The following TSNARE1 variants were observed in gnomAD, a reference collection of about 807,000 sequenced individuals.
TSNARE1 encodes the protein t-SNARE domain-containing protein 1.
A neutral mutation model predicts 62.0 loss-of-function variants in TSNARE1; 49 were observed. The observed-to-expected ratio is 0.79, with a 90% CI of 0.63 to 1.00. The LOEUF is 1.00. TSNARE1 is among the 50% of genes least tolerant of loss of function. The probability of loss-of-function intolerance (pLI) is 0.00; values close to 1 mark genes in which losing one functional copy is unlikely to be tolerated. For synonymous variants in TSNARE1, 328 were observed against 294.4 expected, an observed-to-expected ratio of 1.11 and a Z score of -1.17; for missense variants, 755 against 700.1, an observed-to-expected ratio of 1.08 and a Z score of -0.88.
intron 12 of TSNARE1, chr8:142,273,128 G>A (rs971897931): frequency 3.9e-5 from 38 of 985,288 alleles, no homozygotes; most frequent in South Asian, 1.4e-4. Flanking sequence ...CTGGGAATGC[G>A]GCACGGCGTC....
intron 1 of TSNARE1, among the ~76,000 whole-genome samples, chr8:142,387,944 T>C (rs1317711333): frequency 1.3e-5 from 2 of 152,136 alleles, no homozygotes; most frequent in African/African-American, 2.4e-5. Context: ...CCAAAAACAG[T>C]GTACATACAA....
chr8:142,217,958 C>T (rs1258061180), intron 13 of TSNARE1, among the ~76,000 whole-genome samples: 1 of 60,140 alleles, frequency 1.7e-5, no homozygotes, highest in Admixed American at 1.4e-4. Context: ...AGGATCAGGG[C>T]TCAGTGTGTG....
At chr8:142,403,286 G>A (rs906302937), upstream of TSNARE1, 31 of 151,980 alleles carry the variant, frequency 2.0e-4, no homozygotes, top group African/African-American at 7.0e-4. Context: ...GCCCCGGCGC[G>A]GAGCCGGAAG....
rs145669203 is a variant in TSNARE1 at position 142,371,560 on chromosome 8, T to C, written c.-39-16797A>G. Among the ~76,000 whole-genome samples the C allele has an allele frequency of 3.2e-3, 489 of 152,320 alleles. 3 individuals are homozygous for C. Among genetic ancestry groups the C allele is most frequent in the African/African-American group, 0.011 (447 of 41,554 alleles). On this transcript the variant is annotated intron_variant, in intron 1 of 13. Transcript: ENST00000524325. ...CACAAAAACAACCAGACAACACTCA[T>C]TAATCATGACAGCAACCAGGATCAC...
intron 12 of TSNARE1, among the ~76,000 whole-genome samples, chr8:142,232,417 G>A (rs1364284980): frequency 1.3e-5 from 2 of 152,254 alleles, no homozygotes; most frequent in Non-Finnish European, 2.9e-5. Flanking sequence ...CCCAGGTCAG[G>A]CCTGTCTCCC....
chr8:142,265,844 G>T (rs1172035522), intron 12 of TSNARE1, among the ~76,000 whole-genome samples: 2 of 152,150 alleles, frequency 1.3e-5, no homozygotes, highest in Admixed American at 6.5e-5. Flanking sequence ...CTTTTCATGA[G>T]CCTACTTGCT....
At chr8:142,386,547 A>G (rs1253820765) in intron 1 of TSNARE1, among the ~76,000 whole-genome samples, 2 of 150,098 alleles carry the variant, frequency 1.3e-5, no homozygotes, top group Non-Finnish European at 3.0e-5. Flanking sequence ...CTAGGCAAGA[A>G]AAAAAAAAGA....
At chr8:142,227,301 G>T (rs1019246369) in intron 13 of TSNARE1, among the ~76,000 whole-genome samples, 10 of 148,252 alleles carry the variant, frequency 6.7e-5, no homozygotes, top group Non-Finnish European at 4.4e-5. Flanking sequence ...TGACAGCCAG[G>T]ACCCCCTTCC....
chr8:142,381,477 C>A (rs1400685664), intron 1 of TSNARE1, among the ~76,000 whole-genome samples: 14 of 152,110 alleles, frequency 9.2e-5, no homozygotes, highest in Admixed American at 8.5e-4. Context: ...CGCCCCCCCC[C>A]ACCCCACCAA....
intron 1 of TSNARE1, among the ~76,000 whole-genome samples, chr8:142,366,349 CCTAGTCT>C (rs1835550896): frequency 6.6e-6 from 1 of 152,076 alleles, no homozygotes; most frequent in Non-Finnish European, 1.5e-5. Context: ...ACCTAATAAA[CCTAGTCT>C]AAAAACAAGA....
At chr8:142,376,402 T>G (rs768572237) in intron 1 of TSNARE1, among the ~76,000 whole-genome samples, 2 of 152,174 alleles carry the variant, frequency 1.3e-5, no homozygotes, top group Non-Finnish European at 2.9e-5. Flanking sequence ...AGGTGAGGCA[T>G]TTGGGTGGTG....
intron 13 of TSNARE1, among the ~76,000 whole-genome samples, chr8:142,228,233 A>G (rs754568722): frequency 2.0e-5 from 3 of 152,216 alleles, no homozygotes; most frequent in Non-Finnish European, 4.4e-5. Flanking sequence ...GTGAGATAAC[A>G]AACATTGATT....
intron 1 of TSNARE1, among the ~76,000 whole-genome samples, chr8:142,361,761 G>T (rs998175161): frequency 1.3e-5 from 2 of 152,208 alleles, no homozygotes; most frequent in Non-Finnish European, 2.9e-5. Flanking sequence ...CCACAGGCAA[G>T]GCCGGAAAAG....
chr8:142,297,492 G>A (rs1824964743), intron 10 of TSNARE1, among the ~76,000 whole-genome samples: 2 of 152,200 alleles, frequency 1.3e-5, no homozygotes, highest in South Asian at 2.1e-4. Context: ...TCTGCCCTAG[G>A]GGACTTCTGA....
At chr8:142,387,096 G>A (rs1190332274) in intron 1 of TSNARE1, among the ~76,000 whole-genome samples, 1 of 152,134 alleles carries the variant, frequency 6.6e-6, no homozygotes, top group Admixed American at 6.5e-5. Context: ...AAGTTCAAGA[G>A]GGAATAGTCA....
rs1459955267 is a variant in TSNARE1, at chr8:142,258,657, G to A, written c.1446+16124C>T. On this transcript the variant is annotated intron_variant, in intron 12 of 13. Coordinates refer to ENST00000524325, the MANE Select transcript of TSNARE1 (RefSeq NM_145003.5). The stretch of plus-strand genomic sequence containing the variant: ...CCACCACACCTGGCTAATTTTTTTT[G>A]TAGTTGTATTAGAGACAGGGTTTTG... Among the ~76,000 whole-genome samples the A allele has an allele frequency of 2.4e-4, 36 of 151,810 alleles. 1 individual carries two copies. The highest frequency in any genetic ancestry group is 2.2e-3 in the Admixed American group (34 of 15,242).
intron 11 of TSNARE1, among the ~76,000 whole-genome samples, chr8:142,282,410 G>T (rs772238169): frequency 6.6e-6 from 1 of 151,816 alleles, no homozygotes; most frequent in Admixed American, 6.6e-5. Context: ...TCAGGGTGGG[G>T]CCAGTGTCTA....
chr8:142,336,799 C>G (rs1018933311), intron 4 of TSNARE1, among the ~76,000 whole-genome samples: 2 of 152,136 alleles, frequency 1.3e-5, no homozygotes, highest in African/African-American at 4.8e-5. Context: ...TAGTTATAAT[C>G]GCTGAAATCA....
intron 12 of TSNARE1, 76 bp downstream of exon 12, chr8:142,274,705 A>G: frequency 7.1e-7 from 1 of 1,409,086 alleles, no homozygotes; most frequent in Non-Finnish European, 9.3e-7. Context: ...GCCCCTCCAG[A>G]CAGACGGAGG....
Sources: gnomAD v4.1 joint callset for allele counts (sites outside exome capture counted in the v4.1 genomes callset) on GRCh38, gnomAD v4.1.1 for gene constraint, MANE v1.5 for transcripts, NCBI Gene and HGNC (gene_info 2026-07-23, HGNC 2026-07-21) for gene names.